The following DGKB variants were observed in gnomAD, a reference collection of about 807,000 sequenced individuals.
DGKB encodes 90 kDa diacylglycerol kinase.
DGKB carries 67 observed loss-of-function variants against 114.3 expected under a neutral mutation model. That is an observed-to-expected ratio of 0.59 (90% CI 0.48 to 0.72). The LOEUF (loss-of-function observed/expected upper bound fraction) is 0.72, where lower values mean the gene tolerates loss of function less well. DGKB is among the 30% of genes least tolerant of loss of function. The probability of loss-of-function intolerance (pLI) is 0.00; values close to 1 mark genes in which losing one functional copy is unlikely to be tolerated. For synonymous variants in DGKB, 398 were observed against 323.1 expected (o/e 1.23, Z -2.49); for missense variants, 907 against 975.2 (o/e 0.93, Z 0.93).
intron 9 of DGKB, among the ~76,000 whole-genome samples, chr7:14,689,292 G>A (rs1318254580): frequency 7.3e-6 from 1 of 136,624 alleles, no homozygotes; most frequent in Non-Finnish European, 1.5e-5. Flanking sequence ...TGCAAGCTCC[G>A]CCTCCCGGGT....
chr7:14,261,621 T>C (rs528243152), intron 23 of DGKB, among the ~76,000 whole-genome samples: 3 of 152,286 alleles, frequency 2.0e-5, no homozygotes, highest in East Asian at 1.9e-4. Context: ...ATTCAATATA[T>C]AGTCTATACA....
At chr7:14,529,733 G>A (rs1791248425) in intron 20 of DGKB, among the ~76,000 whole-genome samples, 1 of 151,600 alleles carries the variant, frequency 6.6e-6, no homozygotes, top group African/African-American at 2.4e-5. Context: ...ATTTTTTAGT[G>A]ATTTTCTACT....
At chr7:14,744,641 T>A (rs1833009921) in intron 4 of DGKB, among the ~76,000 whole-genome samples, 1 of 152,146 alleles carries the variant, frequency 6.6e-6, no homozygotes, top group African/African-American at 2.4e-5. Context: ...ATTTTAAAAG[T>A]GTATGTAAGA....
intron 14 of DGKB, among the ~76,000 whole-genome samples, chr7:14,625,439 T>G (rs560400764): frequency 6.6e-6 from 1 of 152,282 alleles, no homozygotes; most frequent in East Asian, 1.9e-4. Context: ...CTAGCTTTTT[T>G]GGGAAGGTAA....
intron 21 of DGKB, among the ~76,000 whole-genome samples, chr7:14,393,619 G>A (rs1428734626): frequency 6.6e-6 from 1 of 152,108 alleles, no homozygotes; most frequent in East Asian, 1.9e-4. Context: ...CACTGCTCTC[G>A]AAGGATCATG....
intron 21 of DGKB, among the ~76,000 whole-genome samples, chr7:14,448,449 T>C (rs1423189999): frequency 6.6e-6 from 1 of 152,012 alleles, no homozygotes; most frequent in Non-Finnish European, 1.5e-5. Flanking sequence ...CTGATTAGAA[T>C]GTCTGCCTGT....
chr7:14,512,700 C>CT (rs1788165868), intron 20 of DGKB, among the ~76,000 whole-genome samples: 3 of 151,984 alleles, frequency 2.0e-5, no homozygotes, highest in South Asian at 4.1e-4. Flanking sequence ...ATTTTAACAC[C>CT]TTTTTTTCTC....
intron 1 of DGKB, among the ~76,000 whole-genome samples, chr7:14,857,192 ATCTCTCTCTCTCTGTC>A (rs1487858906): frequency 7.7e-6 from 1 of 129,042 alleles, no homozygotes; most frequent in Non-Finnish European, 1.6e-5. Context: ...AGCAAGGAAG[ATCTCTCTCTCTCTGTC>A]TCTCTCTCTC....
At chr7:14,429,211 G>T (rs1228138504) in intron 21 of DGKB, among the ~76,000 whole-genome samples, 1 of 152,132 alleles carries the variant, frequency 6.6e-6, no homozygotes, top group African/African-American at 2.4e-5. Context: ...CCCGTGTGAT[G>T]GTGTTAGGAA....
chr7:14,624,254 A>G (rs1273058917), intron 14 of DGKB, among the ~76,000 whole-genome samples: 1 of 152,214 alleles, frequency 6.6e-6, no homozygotes, highest in African/African-American at 2.4e-5. Flanking sequence ...AATTTACTCC[A>G]GCATTCTTGC....
chr7:14,560,935 T>A (rs551241482), intron 20 of DGKB, among the ~76,000 whole-genome samples: 2 of 152,340 alleles, frequency 1.3e-5, no homozygotes, highest in African/African-American at 4.8e-5. Flanking sequence ...TGAATTTCCC[T>A]GATGATTAAT....
chr7:14,923,720 C>CACGGTGG (rs1029655078), intron 1 of DGKB, among the ~76,000 whole-genome samples: 3 of 152,070 alleles, frequency 2.0e-5, no homozygotes, highest in Non-Finnish European at 2.9e-5. Context: ...CCTGGCCGGG[C>CACGGTGG]ACGGTGGCAC....
intron 21 of DGKB, among the ~76,000 whole-genome samples, chr7:14,400,502 G>T (rs1822933124): frequency 6.6e-6 from 1 of 151,758 alleles, no homozygotes; most frequent in African/African-American, 2.4e-5. Flanking sequence ...TAGCATTAGA[G>T]CAAGACTAAT....
intron 23 of DGKB, among the ~76,000 whole-genome samples, chr7:14,324,108 T>G (rs926158710): frequency 1.8e-4 from 27 of 152,174 alleles, no homozygotes; most frequent in African/African-American, 6.0e-4. Context: ...TCTCTTCATT[T>G]ACTGATCATT....
At chr7:14,646,233 A>C (rs1717876430) in intron 13 of DGKB, among the ~76,000 whole-genome samples, 1 of 152,208 alleles carries the variant, frequency 6.6e-6, no homozygotes, top group African/African-American at 2.4e-5. Flanking sequence ...TATTTGTATC[A>C]GACAAAGTAG....
chr7:14,450,095 G>T (rs556867230), intron 21 of DGKB, among the ~76,000 whole-genome samples: 2 of 151,898 alleles, frequency 1.3e-5, no homozygotes, highest in Admixed American at 1.3e-4. Flanking sequence ...AAAAAAATAA[G>T]CTATGACAAG....
At chr7:14,226,409 G>T (rs992609856) in intron 23 of DGKB, among the ~76,000 whole-genome samples, 1 of 151,908 alleles carries the variant, frequency 6.6e-6, no homozygotes. Flanking sequence ...CTTTTTAAAG[G>T]CGTGTAGATT....
intron 13 of DGKB, among the ~76,000 whole-genome samples, chr7:14,654,470 A>G (rs1371555236): frequency 6.6e-6 from 1 of 152,050 alleles, no homozygotes; most frequent in Non-Finnish European, 1.5e-5. Context: ...ACCCAAAGCA[A>G]TTTATAGATT....
upstream of DGKB, among the ~76,000 whole-genome samples, chr7:14,904,701 A>G (rs960800285): frequency 6.6e-6 from 1 of 152,184 alleles, no homozygotes; most frequent in African/African-American, 2.4e-5. Context: ...TAGCATCCAG[A>G]ATTTTTTAAC....
Sources: gnomAD v4.1 joint callset for allele counts (sites outside exome capture counted in the v4.1 genomes callset) on GRCh38, gnomAD v4.1.1 for gene constraint, MANE v1.5 for transcripts, NCBI Gene and HGNC (gene_info 2026-07-23, HGNC 2026-07-21) for gene names.